ARMC8: variants seen among roughly 807,000 people sequenced by gnomAD.
ARMC8 encodes the protein armadillo repeat containing 8, also known as armadillo repeat-containing protein 8.
ARMC8 carries 20 observed loss-of-function variants against 99.3 expected under a neutral mutation model. That is an observed-to-expected ratio of 0.20 (90% CI 0.14 to 0.29). ARMC8 has a LOEUF of 0.29. Among genes scored for constraint, ARMC8 ranks in the 10% least tolerant of loss-of-function variants. The pLI is 1.00. For missense variants in ARMC8, 569 were observed against 809.5 expected, an observed-to-expected ratio of 0.70 and a Z score of 3.60; for synonymous variants, 263 against 278.3, an observed-to-expected ratio of 0.95 and a Z score of 0.55.
At chr3:138,188,990 A>G (rs2043228097) in intron 1 of ARMC8, among the ~76,000 whole-genome samples, 2 of 152,146 alleles carry the variant, frequency 1.3e-5, no homozygotes. Context: ...GTGGGAGTGC[A>G]GGCCAATGAC....
chr3:138,201,472 T>A (rs1341994002), intron 1 of ARMC8, among the ~76,000 whole-genome samples: 1 of 91,368 alleles, frequency 1.1e-5, no homozygotes, highest in Non-Finnish European at 2.2e-5. Context: ...TTTTTTTTTT[T>A]TTTTTCCTGA....
At chr3:138,190,394 C>T (rs2043317676) in intron 1 of ARMC8, among the ~76,000 whole-genome samples, 1 of 147,636 alleles carries the variant, frequency 6.8e-6, no homozygotes, top group Non-Finnish European at 1.5e-5. Flanking sequence ...TCAAGCGATT[C>T]TCCTGCCTCA....
At chr3:138,274,209 TATG>T (rs2049050164) in intron 17 of ARMC8, among the ~76,000 whole-genome samples, 1 of 151,122 alleles carries the variant, frequency 6.6e-6, no homozygotes, top group East Asian at 1.9e-4. Context: ...TGTATGTATG[TATG>T]TATGTGTAAT....
At chr3:138,258,588 C>G (rs1404420249) in intron 12 of ARMC8, among the ~76,000 whole-genome samples, 1 of 152,188 alleles carries the variant, frequency 6.6e-6, no homozygotes, top group Non-Finnish European at 1.5e-5. Context: ...CTGAGTGCCC[C>G]TCTTTCCCAC....
chr3:138,241,644 T>C (rs777686541), intron 10 of ARMC8, 139 bp from the exon 11 acceptor site: 45 of 757,742 alleles, frequency 5.9e-5, no homozygotes, highest in Non-Finnish European at 5.6e-5. Flanking sequence ...AAAAAATCTT[T>C]TATTCTCTAG....
intron 3 of ARMC8, 93 bp from the exon 4 acceptor site, chr3:138,223,295 AT>A: frequency 8.9e-7 from 1 of 1,127,638 alleles, no homozygotes. Context: ...AGCCAACCAT[AT>A]TTTTAGTATG....
At chr3:138,234,050 AT>A (rs1238378994) in intron 6 of ARMC8, among the ~76,000 whole-genome samples, 2 of 151,418 alleles carry the variant, frequency 1.3e-5, no homozygotes, top group African/African-American at 2.4e-5. Flanking sequence ...AAAACCCTTC[AT>A]TTTCCTATCT....
At chr3:138,228,852 AT>A in intron 5 of ARMC8, 65 bp from the exon 6 acceptor site, 1 of 971,582 alleles carries the variant, frequency 1.0e-6, no homozygotes. Context: ...TTGTGGAAAT[AT>A]TTTATATTTT....
intron 1 of ARMC8, among the ~76,000 whole-genome samples, chr3:138,206,878 C>T (rs999642712): frequency 6.6e-6 from 1 of 152,194 alleles, no homozygotes; most frequent in Admixed American, 6.5e-5. Flanking sequence ...TTTGCGTATA[C>T]ATAACAATTT....
intron 7 of ARMC8, 116 bp downstream of exon 7, chr3:138,235,230 G>T: frequency 6.1e-6 from 4 of 651,164 alleles, no homozygotes; most frequent in African/African-American, 1.9e-5. Flanking sequence ...TATTTTATCA[G>T]TAAAATGTTA....
At chr3:138,210,984 G>A (rs189020205) in intron 2 of ARMC8, among the ~76,000 whole-genome samples, 2 of 150,884 alleles carry the variant, frequency 1.3e-5, no homozygotes, top group East Asian at 2.0e-4. Flanking sequence ...TACAAAAAAC[G>A]GTGGTATTTC....
intron 3 of ARMC8, among the ~76,000 whole-genome samples, chr3:138,222,877 G>A (rs2045477724): frequency 6.6e-6 from 1 of 152,186 alleles, no homozygotes; most frequent in Admixed American, 6.5e-5. Context: ...GGAAATGAGA[G>A]GATCTCTTCC....
intron 5 of ARMC8, among the ~76,000 whole-genome samples, chr3:138,224,371 G>A (rs931757044): frequency 2.6e-5 from 4 of 152,214 alleles, no homozygotes; most frequent in Non-Finnish European, 4.4e-5. Flanking sequence ...GAGCCTAGGA[G>A]TTTGAGGTTA....
chr3:138,231,005 T>A (rs753003953), intron 6 of ARMC8, among the ~76,000 whole-genome samples: 2 of 152,180 alleles, frequency 1.3e-5, no homozygotes, highest in Non-Finnish European at 2.9e-5. Flanking sequence ...ACTGACAGAA[T>A]GGAAGATGTT....
At chr3:138,202,039 A>G (rs945601372) in intron 1 of ARMC8, among the ~76,000 whole-genome samples, 5 of 152,194 alleles carry the variant, frequency 3.3e-5, no homozygotes, top group African/African-American at 1.2e-4. Flanking sequence ...TAATGATACA[A>G]TTTGAATTTC....
intron 1 of ARMC8, among the ~76,000 whole-genome samples, chr3:138,199,784 G>A (rs1329623013): frequency 2.0e-5 from 3 of 152,226 alleles, no homozygotes; most frequent in African/African-American, 7.2e-5. Context: ...GTAGGGACAA[G>A]TACAAATACA....
At chr3:138,245,596 G>A in intron 12 of ARMC8, 1 of 1,009,218 alleles carries the variant, frequency 9.9e-7, no homozygotes, top group South Asian at 4.5e-5. Flanking sequence ...ATTGTATATT[G>A]TTCTTTGATA....
intron 1 of ARMC8, among the ~76,000 whole-genome samples, chr3:138,200,200 T>C (rs1238737707): frequency 1.3e-5 from 2 of 152,254 alleles, no homozygotes; most frequent in African/African-American, 4.8e-5. Context: ...TATAACATCA[T>C]TTAAACCCGT....
chr3:138,189,942 C>T (rs1253382294), intron 1 of ARMC8, among the ~76,000 whole-genome samples: 1 of 152,194 alleles, frequency 6.6e-6, no homozygotes, highest in Non-Finnish European at 1.5e-5. Flanking sequence ...GTTAAACCTC[C>T]TGAATAATCT....
Sources: gnomAD v4.1 joint callset for allele counts (sites outside exome capture counted in the v4.1 genomes callset) on GRCh38, gnomAD v4.1.1 for gene constraint, MANE v1.5 for transcripts, NCBI Gene and HGNC (gene_info 2026-07-23, HGNC 2026-07-21) for gene names.